Variants in CCDC30 observed in about 807,000 individuals in gnomAD.
CCDC30 encodes the protein coiled-coil domain-containing protein 30.
In CCDC30, 70 loss-of-function variants were observed where a neutral mutation model predicts 100.2. That is an observed-to-expected ratio of 0.70 (90% CI 0.58 to 0.85). The LOEUF (loss-of-function observed/expected upper bound fraction) is 0.85. CCDC30 is among the 40% of genes least tolerant of loss of function. The pLI is 0.00. For missense variants in CCDC30, 652 were observed against 771.2 expected (o/e 0.85, Z 1.83); for synonymous variants, 233 against 269.5 (o/e 0.86, Z 1.33).
At chr1:42,490,369 G>A (rs1379050377) in intron 4 of CCDC30, 140 bp downstream of exon 4, 8 of 364,094 alleles carry the variant, frequency 2.2e-5, no homozygotes, top group Non-Finnish European at 3.9e-5. Context: ...CTGCACTCCA[G>A]CCTGGGTGAT....
intron 6 of CCDC30, among the ~76,000 whole-genome samples, chr1:42,508,227 T>G (rs1011733180): frequency 6.6e-6 from 1 of 152,210 alleles, no homozygotes; most frequent in Non-Finnish European, 1.5e-5. Flanking sequence ...TGCCATTTTA[T>G]AGTGGATCCT....
chr1:42,642,001 G>A (rs922846535), intron 12 of CCDC30, among the ~76,000 whole-genome samples: 15 of 152,216 alleles, frequency 9.9e-5, no homozygotes, highest in East Asian at 3.9e-4. Context: ...CAAGGTGGGC[G>A]GATCACAAGG....
rs114650317 is a variant in CCDC30 at position 42,508,335 on chromosome 1, T to G, written c.456+9419T>G. ...GCAACCCAAAGGCAATCAGCCCATTTTGTAATCAGCCCACTCCCCATGGGA... is the reference window on the plus strand; with the variant it reads ...GCAACCCAAAGGCAATCAGCCCATTGTGTAATCAGCCCACTCCCCATGGGA... On this transcript the variant is annotated intron_variant, in intron 6 of 16. Transcript: ENST00000668663. Among the ~76,000 whole-genome samples, 1,199 of 152,266 alleles carry G rather than the reference T, an allele frequency of 7.9e-3. 21 individuals are homozygous for G. The highest frequency in any genetic ancestry group is 0.027 in the African/African-American group (1,121 of 41,540).
intron 15 of CCDC30, among the ~76,000 whole-genome samples, chr1:42,651,169 CAACA>C (rs1648314786): frequency 6.6e-6 from 1 of 152,066 alleles, no homozygotes; most frequent in Non-Finnish European, 1.5e-5. Flanking sequence ...TTGACCTGGA[CAACA>C]ATTTTTCCAA....
chr1:42,612,355 T>C lies in CCDC30; in HGVS notation c.1277+1265T>C, dbSNP rs7524453. Among the ~76,000 whole-genome samples, 803 of 152,222 alleles carry C rather than the reference T, an allele frequency of 5.3e-3. 6 individuals carry two copies. The highest frequency in any genetic ancestry group is 0.019 in the African/African-American group (777 of 41,528). On this transcript the variant is annotated intron_variant, in intron 11 of 16. Transcript: ENST00000668663. ...AACAGCATTAGAGGAAGAATATGCA[T>C]TAGAGCCCATGTGTGTTTCACAGCA...
rs1021965803 is a variant in CCDC30, at chr1:42,540,559, T to A, written c.457-25737T>A. On this transcript the variant is annotated intron_variant, in intron 6 of 16. Transcript: ENST00000668663. The stretch of plus-strand genomic sequence containing the variant: ...AATAATATCAGACTCACAGAAAAAA[T>A]TATGAAAGTACAAAGACTTCCCATA... Among the ~76,000 whole-genome samples the A allele has an allele frequency of 2.6e-5, 4 of 152,002 alleles. No individual in the cohort carries two copies. The East Asian group carries it at 5.8e-4, about 22-fold the overall frequency.
At chr1:42,588,152 G>A (rs987809495) in intron 9 of CCDC30, among the ~76,000 whole-genome samples, 4 of 152,222 alleles carry the variant, frequency 2.6e-5, no homozygotes, top group African/African-American at 9.6e-5. Flanking sequence ...TCAGTCTCCT[G>A]AGGGAGGAAC....
intron 6 of CCDC30, among the ~76,000 whole-genome samples, chr1:42,515,345 T>G (rs1644539111): frequency 6.6e-6 from 1 of 152,216 alleles, no homozygotes; most frequent in Admixed American, 6.5e-5. Flanking sequence ...AACTGTGAGA[T>G]AATACATTTC....
At chr1:42,492,654 A>G (rs570486541) in intron 4 of CCDC30, among the ~76,000 whole-genome samples, 1 of 149,336 alleles carries the variant, frequency 6.7e-6, no homozygotes, top group Admixed American at 6.7e-5. Flanking sequence ...AATTAAAAAG[A>G]TTTTTTTTTT....
At chr1:42,649,153 C>CA (rs540213090) in intron 15 of CCDC30, among the ~76,000 whole-genome samples, 3 of 151,632 alleles carry the variant, frequency 2.0e-5, no homozygotes, top group Non-Finnish European at 4.4e-5. Context: ...TCAAACTCTT[C>CA]AAAAAAAATA....
chr1:42,564,408 G>A (rs1645563207), intron 6 of CCDC30, among the ~76,000 whole-genome samples: 1 of 152,078 alleles, frequency 6.6e-6, no homozygotes. Context: ...CACTTCCTGG[G>A]TTCAAGCAAT....
At chr1:42,509,520 C>T (rs1463221572) in intron 6 of CCDC30, among the ~76,000 whole-genome samples, 3 of 152,086 alleles carry the variant, frequency 2.0e-5, no homozygotes, top group Admixed American at 2.0e-4. Flanking sequence ...AAGACAGTCA[C>T]CATTTTACAA....
At chr1:42,639,962 G>A (rs1253522431) in intron 12 of CCDC30, among the ~76,000 whole-genome samples, 2 of 93,340 alleles carry the variant, frequency 2.1e-5, no homozygotes, top group South Asian at 3.3e-4. Context: ...GTGAAACTTC[G>A]TCTCAAAAAA....
At chr1:42,640,336 TA>T (rs970293551) in intron 12 of CCDC30, among the ~76,000 whole-genome samples, 16 of 152,222 alleles carry the variant, frequency 1.1e-4, no homozygotes, top group African/African-American at 3.9e-4. Context: ...TTGTTTGTTT[TA>T]AAAAATACAG....
intron 8 of CCDC30, among the ~76,000 whole-genome samples, chr1:42,577,611 T>C (rs1380749020): frequency 6.6e-6 from 1 of 152,118 alleles, no homozygotes; most frequent in Non-Finnish European, 1.5e-5. Flanking sequence ...TACGTGTTCA[T>C]GGGGTACATA....
chr1:42,512,167 T>G (rs1644488336), intron 6 of CCDC30, among the ~76,000 whole-genome samples: 1 of 152,218 alleles, frequency 6.6e-6, no homozygotes, highest in South Asian at 2.1e-4. Flanking sequence ...AAGAACACCT[T>G]AAGTGGTTTT....
At chr1:42,456,599 C>T in the CCDC30 span, 10 of 1,511,796 alleles carry the variant, frequency 6.6e-6, no homozygotes, top group Non-Finnish European at 8.8e-6. Flanking sequence ...CGAGTTCCCC[C>T]AGCCTCCCGG....
At position 42,517,159 on chromosome 1, in the gene CCDC30, C is replaced by T. The variant is rs545981225; in HGVS notation, c.456+18243C>T. Among the ~76,000 whole-genome samples, 4 of 152,234 alleles carry T rather than the reference C, an allele frequency of 2.6e-5. No individual in the cohort carries two copies. In the East Asian group the frequency reaches 7.7e-4, roughly 29 times the overall value. ...AGTGCAATGGTAAGATCATAGCTCA[C>T]CGTAACCTCCAACTCCTGTGCTCAA... On this transcript the variant is annotated intron_variant, in intron 6 of 16. Transcript: ENST00000668663.
At position 42,542,611 on chromosome 1, in the gene CCDC30, C is replaced by T. The variant is rs61777388; in HGVS notation, c.457-23685C>T. On this transcript the variant is annotated intron_variant, in intron 6 of 16. Coordinates refer to ENST00000668663, the Ensembl canonical transcript of CCDC30. ...CAGGCCGGACTGCGGACTGCAGTGG[C>T]GCAATCTCGGCTCACTGCAAGCTCC... is the stretch of plus-strand genomic sequence containing the variant. Among the ~76,000 whole-genome samples the T allele has an allele frequency of 1.7e-4, 17 of 102,610 alleles. No individual in the cohort carries two copies. In the South Asian group the frequency reaches 5.2e-3, roughly 31 times the overall value. 67.3% of individuals were successfully genotyped at this position (102,610 alleles called of 152,430 possible).
Sources: allele counts gnomAD v4.1 joint callset (sites outside exome capture counted in the v4.1 genomes callset), GRCh38; gene constraint gnomAD v4.1.1; transcripts MANE v1.5; gene names NCBI Gene and HGNC (gene_info 2026-07-23, HGNC 2026-07-21).